The following EYS variants were observed in gnomAD, a reference collection of about 807,000 sequenced individuals.
The protein encoded by EYS is protein eyes shut homolog.
EYS carries 250 observed loss-of-function variants against 282.1 expected under a neutral mutation model. The ratio of observed to expected loss-of-function variants is 0.89; its 90% CI spans 0.80 to 0.98. The LOEUF (loss-of-function observed/expected upper bound fraction) is 0.98. EYS is among the 50% of genes least tolerant of loss of function. The probability of loss-of-function intolerance (pLI) is 0.00; values close to 1 mark genes in which losing one functional copy is unlikely to be tolerated. For synonymous variants in EYS, 1,355 were observed against 1,282.9 expected (o/e 1.06, Z -1.20); for missense variants, 4,016 against 3,709.0 (o/e 1.08, Z -2.15).
At chr6:65,608,872 A>G (rs145438542) in intron 2 of EYS, among the ~76,000 whole-genome samples, 30 of 152,060 alleles carry the variant, frequency 2.0e-4, no homozygotes, top group African/African-American at 7.0e-4. Flanking sequence ...TCACCTCCAC[A>G]TTTTGTCCCA....
At chr6:64,432,897 A>C (rs1051657255) in intron 28 of EYS, among the ~76,000 whole-genome samples, 1 of 152,088 alleles carries the variant, frequency 6.6e-6, no homozygotes, top group African/African-American at 2.4e-5. Context: ...AGCACCAGCT[A>C]TAGTTAATTT....
At chr6:64,323,773 T>C (rs1449648346) in intron 29 of EYS, among the ~76,000 whole-genome samples, 2 of 152,082 alleles carry the variant, frequency 1.3e-5, no homozygotes, top group Non-Finnish European at 2.9e-5. Context: ...ATGCTGTGAA[T>C]TGGAGTAGAA....
chr6:64,441,499 C>T (rs1774944896), intron 26 of EYS, among the ~76,000 whole-genome samples: 1 of 152,154 alleles, frequency 6.6e-6, no homozygotes, highest in African/African-American at 2.4e-5. Context: ...ACACAAAGCA[C>T]AATCAAAGGA....
rs1385906414 is a variant in EYS, at chr6:64,686,900, TGTATATATATACACACATATATATAC to T, written c.3444-60681_3444-60656del. 4.6e-4 allele frequency among the ~76,000 whole-genome samples: 64 copies of T among 139,556 alleles called. 2 individuals carry two copies. The highest frequency in any genetic ancestry group is 7.3e-4 in the Admixed American group (10 of 13,750). The allele number at this position is 139,556 out of a possible 152,430, so 91.6% of individuals were successfully genotyped here. The stretch of plus-strand genomic sequence containing the variant: ...ATATATATACACACACATATATATG[TGTATATATATACACACATATATATAC>T]GTATATATATACACATATATATACA... On this transcript the variant is annotated intron_variant, in intron 22 of 42. Transcript: ENST00000503581.
intron 35 of EYS, among the ~76,000 whole-genome samples, chr6:63,882,204 T>C (rs13215958): frequency 0.37 from 55,617 of 152,112 alleles, 10,618 homozygotes; most frequent in South Asian, 0.47. Context: ...CCAATTCCTT[T>C]AGGAAACTTC....
intron 33 of EYS, among the ~76,000 whole-genome samples, chr6:64,024,395 A>G (rs569976670): frequency 6.6e-6 from 1 of 151,882 alleles, no homozygotes; most frequent in East Asian, 1.9e-4. Context: ...CTTGGAGAAC[A>G]TCTGTGTCTA....
At chr6:65,562,175 G>A (rs995898679) in intron 2 of EYS, among the ~76,000 whole-genome samples, 5 of 151,944 alleles carry the variant, frequency 3.3e-5, no homozygotes, top group Non-Finnish European at 5.9e-5. Flanking sequence ...AGCTATGTTT[G>A]TTCAAGAGGC....
At chr6:64,642,128 A>G (rs1023281) in intron 22 of EYS, among the ~76,000 whole-genome samples, 90,767 of 152,026 alleles carry the variant, frequency 0.6, 27,278 homozygotes, top group South Asian at 0.66. Context: ...AGAAATCTGG[A>G]ATCACCAACT....
At chr6:65,056,682 T>C (rs904888825) in intron 13 of EYS, among the ~76,000 whole-genome samples, 2 of 152,066 alleles carry the variant, frequency 1.3e-5, no homozygotes, top group African/African-American at 4.8e-5. Context: ...TAAGTATGAA[T>C]TGATATCCCA....
chr6:64,912,628 A>G lies in EYS; in HGVS notation c.2497T>C (p.Phe833Leu). 6.4e-7 allele frequency: 1 copy of G among 1,551,066 alleles called. No homozygotes were observed. Among genetic ancestry groups the G allele is most frequent in the Non-Finnish European group, 8.7e-7 (1 of 1,146,594 alleles). Residue 833 changes from phenylalanine to leucine, a missense_variant, in exon 16 of 43, where the codon TTT becomes CTT. By Grantham distance (22) the Phe-to-Leu change is conservative. Transcript: ENST00000503581. ...LCHESTIPGQFVCLCPPLYTG... is the reference protein window; with the variant it reads ...LCHESTIPGQLVCLCPPLYTG... ...TAAAGGGGTGGGCACAGACATACAA[A>G]TTGTCCAGGGATGGTAGATTCATGA...
chr6:64,659,908 C>T (rs1355794405), intron 22 of EYS, among the ~76,000 whole-genome samples: 1 of 152,154 alleles, frequency 6.6e-6, no homozygotes, highest in African/African-American at 2.4e-5. Flanking sequence ...CATCCTGATA[C>T]CAAAGCCTGG....
chr6:65,407,509 C>G (rs968052041), intron 5 of EYS, among the ~76,000 whole-genome samples: 1 of 152,136 alleles, frequency 6.6e-6, no homozygotes, highest in African/African-American at 2.4e-5. Context: ...CCGTCTCGGC[C>G]TCCCAAAGTG....
At chr6:64,680,140 G>A (rs1004898039) in intron 22 of EYS, among the ~76,000 whole-genome samples, 8 of 152,088 alleles carry the variant, frequency 5.3e-5, no homozygotes, top group Non-Finnish European at 1.2e-4. Context: ...AAAATAAAGA[G>A]GGTTTGGGAA....
intron 12 of EYS, among the ~76,000 whole-genome samples, chr6:65,259,403 C>T (rs907699366): frequency 3.9e-5 from 6 of 151,938 alleles, no homozygotes; most frequent in African/African-American, 7.3e-5. Flanking sequence ...CAAATGTCTT[C>T]GGTGTTAATC....
intron 22 of EYS, among the ~76,000 whole-genome samples, chr6:64,713,038 A>G (rs1446440393): frequency 6.6e-6 from 1 of 152,220 alleles, no homozygotes; most frequent in Non-Finnish European, 1.5e-5. Context: ...AAGCACCCAC[A>G]GGTCCCTATC....
chr6:65,180,467 G>C (rs1019494020), intron 12 of EYS, among the ~76,000 whole-genome samples: 1 of 152,046 alleles, frequency 6.6e-6, no homozygotes, highest in African/African-American at 2.4e-5. Flanking sequence ...TTGCTTCAAA[G>C]AGAATAAAAT....
intron 31 of EYS, among the ~76,000 whole-genome samples, chr6:64,181,408 C>T (rs1764784276): frequency 6.6e-6 from 1 of 151,978 alleles, no homozygotes; most frequent in South Asian, 2.1e-4. Context: ...AATGTTTTGT[C>T]CTGAATATAT....
chr6:65,507,692 T>C (rs1766707119), intron 2 of EYS, among the ~76,000 whole-genome samples: 1 of 152,148 alleles, frequency 6.6e-6, no homozygotes, highest in East Asian at 1.9e-4. Context: ...CCCACTGATC[T>C]TTCCTTAGCT....
At chr6:63,885,247 G>A (rs1465353248) in intron 35 of EYS, among the ~76,000 whole-genome samples, 1 of 152,088 alleles carries the variant, frequency 6.6e-6, no homozygotes, top group Non-Finnish European at 1.5e-5. Flanking sequence ...GGCCAAGTAG[G>A]CTACATCTTT....
Sources: allele counts gnomAD v4.1 joint callset (sites outside exome capture counted in the v4.1 genomes callset), GRCh38; gene constraint gnomAD v4.1.1; transcripts MANE v1.5; gene names NCBI Gene and HGNC (gene_info 2026-07-23, HGNC 2026-07-21).